The following TFDP2 variants were observed in gnomAD, a reference collection of about 807,000 sequenced individuals.
The protein encoded by TFDP2 is transcription factor Dp-2, also known as transcription factor Dp-2 (E2F dimerization partner 2).
In TFDP2, 17 loss-of-function variants were observed where a neutral mutation model predicts 59.3. That is an observed-to-expected ratio of 0.29 (90% CI 0.20 to 0.43). The LOEUF is 0.43. Among genes scored for constraint, TFDP2 ranks in the 20% least tolerant of loss-of-function variants. The pLI is 1.00. For missense variants in TFDP2, 391 were observed against 528.8 expected (o/e 0.74, Z 2.56); for synonymous variants, 180 against 194.7 (o/e 0.92, Z 0.63).
intron 3 of TFDP2, among the ~76,000 whole-genome samples, chr3:142,086,631 G>A (rs1402897363): frequency 6.6e-6 from 1 of 152,082 alleles, no homozygotes; most frequent in African/African-American, 2.4e-5. Flanking sequence ...TCTGTCCCCA[G>A]AGTTGGGGTG....
chr3:141,985,253 G>C (rs1941955627), intron 6 of TFDP2, among the ~76,000 whole-genome samples: 1 of 152,118 alleles, frequency 6.6e-6, no homozygotes, highest in Admixed American at 6.5e-5. Flanking sequence ...TTTTGGCCAA[G>C]CACAGTGGCT....
intron 1 of TFDP2, among the ~76,000 whole-genome samples, chr3:142,138,107 G>T (rs1577068072): frequency 6.6e-6 from 1 of 152,144 alleles, no homozygotes; most frequent in Non-Finnish European, 1.5e-5. Context: ...TCTTGGGAGG[G>T]TGTATGTGTC....
intron 3 of TFDP2, among the ~76,000 whole-genome samples, chr3:142,015,875 T>C (rs555454442): frequency 6.6e-6 from 1 of 152,366 alleles, no homozygotes; most frequent in Non-Finnish European, 1.5e-5. Context: ...CTTCAATTGC[T>C]GAAAATGTAG....
At chr3:142,002,447 C>T (rs1943871517) in intron 4 of TFDP2, among the ~76,000 whole-genome samples, 1 of 151,324 alleles carries the variant, frequency 6.6e-6, no homozygotes, top group Non-Finnish European at 1.5e-5. Context: ...GAATGAGCCA[C>T]TGGGCCCAGC....
chr3:142,019,654 C>G (rs1945440158), intron 3 of TFDP2, among the ~76,000 whole-genome samples: 1 of 151,000 alleles, frequency 6.6e-6, no homozygotes, highest in Non-Finnish European at 1.5e-5. Context: ...AACACCCCCC[C>G]CAACATCTTC....
At chr3:142,148,205 TAA>T (rs1274951014) in intron 1 of TFDP2, among the ~76,000 whole-genome samples, 1 of 150,892 alleles carries the variant, frequency 6.6e-6, no homozygotes, top group Non-Finnish European at 1.5e-5. Flanking sequence ...AAGGCTGAGC[TAA>T]AAGAGAGCCT....
At chr3:142,088,391 C>T (rs972093227) in intron 3 of TFDP2, among the ~76,000 whole-genome samples, 3 of 149,826 alleles carry the variant, frequency 2.0e-5, no homozygotes, top group South Asian at 2.1e-4. Context: ...AGTGCGGTGG[C>T]GTGATCTTGA....
At chr3:142,015,205 T>TGTGAGCCCTTCCTCATGAG (rs1945038650) in intron 3 of TFDP2, among the ~76,000 whole-genome samples, 1 of 152,184 alleles carries the variant, frequency 6.6e-6, no homozygotes, top group Non-Finnish European at 1.5e-5. Flanking sequence ...ATCTCTTGTC[T>TGTGAGCCCTTCCTCATGAG]GTGAGCCCTT....
At chr3:142,045,402 C>T (rs145661350) in intron 3 of TFDP2, among the ~76,000 whole-genome samples, 6,539 of 152,128 alleles carry the variant, frequency 0.043, 465 homozygotes, top group African/African-American at 0.15. Flanking sequence ...TCAGGTGATC[C>T]GCCCACCTTG....
At chr3:142,077,498 T>G (rs551572131) in intron 3 of TFDP2, among the ~76,000 whole-genome samples, 2 of 152,180 alleles carry the variant, frequency 1.3e-5, no homozygotes, top group South Asian at 2.1e-4. Context: ...TCAGCCACAG[T>G]AGAATAGGGC....
intron 1 of TFDP2, 112 bp downstream of exon 1, chr3:142,149,071 T>G (rs887501834): frequency 3.0e-4 from 117 of 394,134 alleles, no homozygotes; most frequent in African/African-American, 2.2e-3. Flanking sequence ...ATGGGACTCG[T>G]GGGGGAACAA....
intron 3 of TFDP2, among the ~76,000 whole-genome samples, chr3:142,083,242 A>C (rs1033984042): frequency 3.9e-5 from 6 of 152,198 alleles, no homozygotes; most frequent in Non-Finnish European, 5.9e-5. Context: ...AAAGTAATTA[A>C]AAGTAATCCC....
At chr3:142,137,245 T>G (rs1257239276) in intron 1 of TFDP2, among the ~76,000 whole-genome samples, 1 of 152,220 alleles carries the variant, frequency 6.6e-6, no homozygotes, top group African/African-American at 2.4e-5. Context: ...TCCTGAGACT[T>G]TGCTGAAGTT....
At chr3:141,987,832 C>A (rs1209201042) in intron 6 of TFDP2, among the ~76,000 whole-genome samples, 1 of 150,646 alleles carries the variant, frequency 6.6e-6, no homozygotes, top group African/African-American at 2.4e-5. Flanking sequence ...CCAGCTACTC[C>A]GAAGGCTGAG....
At chr3:142,046,736 A>G (rs1271642149) in intron 3 of TFDP2, among the ~76,000 whole-genome samples, 2 of 152,130 alleles carry the variant, frequency 1.3e-5, no homozygotes, top group South Asian at 2.1e-4. Context: ...ATTTCTACTC[A>G]TCGAAATTCC....
chr3:141,956,458 A>G (rs905186577), intron 11 of TFDP2, among the ~76,000 whole-genome samples: 1 of 152,098 alleles, frequency 6.6e-6, no homozygotes, highest in Non-Finnish European at 1.5e-5. Flanking sequence ...AGGCTGAGAC[A>G]GGAGAATCGC....
intron 6 of TFDP2, among the ~76,000 whole-genome samples, chr3:141,987,294 TG>T (rs1559978456): frequency 1.4e-4 from 19 of 138,372 alleles, no homozygotes; most frequent in Admixed American, 2.9e-4. Flanking sequence ...TGTGTGTGTG[TG>T]TGTTTTAGCC....
chr3:141,971,504 T>C (rs55699824), intron 8 of TFDP2, among the ~76,000 whole-genome samples: 11,291 of 151,302 alleles, frequency 0.075, 523 homozygotes, highest in Non-Finnish European at 0.11. Context: ...AGCCGAAGAT[T>C]GCGCCACTGA....
rs2059848967 is a variant in TFDP2 at position 142,059,576 on chromosome 3, C to G, written c.82+33485G>C. 2.0e-5 allele frequency among the ~76,000 whole-genome samples: 3 copies of G among 151,988 alleles called. No individual in the cohort carries two copies. In the South Asian group the frequency reaches 6.2e-4, roughly 32 times the overall value. On this transcript the variant is annotated intron_variant, in intron 3 of 12. Transcript: ENST00000489671. Reference sequence around the variant, plus strand: ...TTGAGACATAGTGTCACCGTTCTCTCCAGCTTTCTTTCTTTTTTTTTGAGA... The same window carrying G: ...TTGAGACATAGTGTCACCGTTCTCTGCAGCTTTCTTTCTTTTTTTTTGAGA...
Sources: gnomAD v4.1 joint callset for allele counts (sites outside exome capture counted in the v4.1 genomes callset) on GRCh38, gnomAD v4.1.1 for gene constraint, MANE v1.5 for transcripts, NCBI Gene and HGNC (gene_info 2026-07-23, HGNC 2026-07-21) for gene names.